KDM7A: variants seen among roughly 807,000 people sequenced by gnomAD.
KDM7A encodes the protein lysine demethylase 7A, also known as lysine-specific demethylase 7A.
In KDM7A, 28 loss-of-function variants were observed where a neutral mutation model predicts 114.8. The ratio of observed to expected loss-of-function variants is 0.24; its 90% CI spans 0.18 to 0.33. KDM7A has a LOEUF of 0.33. KDM7A is among the 10% of genes least tolerant of loss of function. The probability of loss-of-function intolerance (pLI) is 1.00; values close to 1 mark genes in which losing one functional copy is unlikely to be tolerated. For synonymous variants in KDM7A, 423 were observed against 397.8 expected (o/e 1.06, Z -0.75); for missense variants, 942 against 1,142.5 (o/e 0.82, Z 2.53).
At chr7:140,115,096 G>A (rs1035660441) in intron 9 of KDM7A, among the ~76,000 whole-genome samples, 18 of 150,376 alleles carry the variant, frequency 1.2e-4, no homozygotes, top group African/African-American at 3.7e-4. Flanking sequence ...GGCAGCCCCC[G>A]CCCGGCCAGC....
At chr7:140,168,525 A>G (rs143510317) in intron 1 of KDM7A, among the ~76,000 whole-genome samples, 37 of 151,660 alleles carry the variant, frequency 2.4e-4, no homozygotes, top group African/African-American at 8.5e-4. Flanking sequence ...CCAAGATCGC[A>G]CCACTGCACT....
At chr7:140,101,551 GT>G (rs996133869) in intron 12 of KDM7A, among the ~76,000 whole-genome samples, 1 of 151,690 alleles carries the variant, frequency 6.6e-6, no homozygotes, top group Non-Finnish European at 1.5e-5. Flanking sequence ...ATTGTTTTGG[GT>G]TTTTTTTAAA....
intron 1 of KDM7A, among the ~76,000 whole-genome samples, chr7:140,148,360 G>C (rs1477986228): frequency 1.3e-5 from 2 of 151,980 alleles, no homozygotes; most frequent in African/African-American, 4.8e-5. Flanking sequence ...TATGACTTCG[G>C]GTAACTTACT....
intron 6 of KDM7A, among the ~76,000 whole-genome samples, chr7:140,126,361 CAAG>C (rs888752021): frequency 2.0e-5 from 3 of 151,398 alleles, no homozygotes; most frequent in East Asian, 1.9e-4. Context: ...GAAAAAAAAT[CAAG>C]AAGAGACAAA....
At chr7:140,151,942 C>A (rs984588115) in intron 1 of KDM7A, among the ~76,000 whole-genome samples, 1 of 152,068 alleles carries the variant, frequency 6.6e-6, no homozygotes, top group African/African-American at 2.4e-5. Flanking sequence ...AAGATCATAC[C>A]TTGGGATAAA....
chr7:140,126,936 C>G, intron 5 of KDM7A, 113 bp from the exon 6 acceptor site: 1 of 768,738 alleles, frequency 1.3e-6, no homozygotes, highest in Non-Finnish European at 2.1e-6. Context: ...TTAAGGTTAA[C>G]AACAACACTT....
chr7:140,132,119 GA>G (rs1203057949), intron 3 of KDM7A, among the ~76,000 whole-genome samples: 3 of 152,152 alleles, frequency 2.0e-5, no homozygotes, highest in Admixed American at 6.5e-5. Flanking sequence ...TAGGGGAGGG[GA>G]AAGATAATTC....
intron 17 of KDM7A, among the ~76,000 whole-genome samples, chr7:140,095,372 G>A (rs529579163): frequency 2.6e-5 from 4 of 152,176 alleles, no homozygotes; most frequent in Admixed American, 6.5e-5. Context: ...CATTACCAAC[G>A]CAACTTTAGG....
At position 140,098,613 on chromosome 7, in the gene KDM7A, G is replaced by A. The variant is rs548744698; in HGVS notation, c.1918+266C>T. Among the ~76,000 whole-genome samples, 12 of 152,206 alleles carry A rather than the reference G, an allele frequency of 7.9e-5. No individual in the cohort carries two copies. In the South Asian group the frequency reaches 2.1e-3, roughly 26 times the overall value. ...CTATAACATGCATGAGCTTTCAAGT[G>A]ACTCTTTAAAAACTGACTAGATGAG... On this transcript the variant is annotated intron_variant, in intron 14 of 19. Transcript: ENST00000397560.
At chr7:140,092,279 GT>G (rs11292436) in intron 18 of KDM7A, 204,995 of 592,496 alleles carry the variant, frequency 0.35, 37,650 homozygotes, top group Middle Eastern at 0.43. Context: ...AAGTTGCATC[GT>G]TAAGTTAAGA....
At chr7:140,094,499 C>T (rs1408373311) in intron 17 of KDM7A, among the ~76,000 whole-genome samples, 1 of 150,838 alleles carries the variant, frequency 6.6e-6, no homozygotes, top group African/African-American at 2.4e-5. Flanking sequence ...AGTGAGACTC[C>T]ATCTTGGGGG....
intron 1 of KDM7A, among the ~76,000 whole-genome samples, chr7:140,143,804 T>A (rs1794311317): frequency 6.6e-6 from 1 of 152,170 alleles, no homozygotes; most frequent in Non-Finnish European, 1.5e-5. Flanking sequence ...TGAATCCACA[T>A]AACTAAATCA....
intron 1 of KDM7A, among the ~76,000 whole-genome samples, chr7:140,148,415 T>TCTC (rs35149339): frequency 0.42 from 62,876 of 151,434 alleles, 13,265 homozygotes; most frequent in Middle Eastern, 0.47. Context: ...TGTTTTTTGG[T>TCTC]CTCATCTGTA....
At chr7:140,116,308 G>A (rs1818529268) in intron 9 of KDM7A, among the ~76,000 whole-genome samples, 1 of 151,772 alleles carries the variant, frequency 6.6e-6, no homozygotes, top group Admixed American at 6.6e-5. Flanking sequence ...GAATACTCTA[G>A]CAATGAAAAA....
rs1817960676 is a variant in KDM7A at position 140,088,056 on chromosome 7, T to A, written c.*3038A>T. On this transcript the variant is annotated 3_prime_UTR_variant, in exon 20 of 20. Transcript: ENST00000397560. The stretch of plus-strand genomic sequence containing the variant: ...ATAAATAAATACAGTAGACTATAAT[T>A]GAAAAGGCAATAATTAGGATTATTT... 6.6e-6 allele frequency: 1 copy of A among 152,588 alleles called. No homozygotes were observed. Among genetic ancestry groups the A allele is most frequent in the Non-Finnish European group, 1.5e-5 (1 of 68,498 alleles). The allele number at this position is 152,588 out of a possible 1,614,324, so 9.5% of individuals were successfully genotyped here.
At chr7:140,136,630 G>A (rs963482339) in intron 2 of KDM7A, among the ~76,000 whole-genome samples, 7 of 152,210 alleles carry the variant, frequency 4.6e-5, no homozygotes, top group African/African-American at 1.4e-4. Flanking sequence ...TTCACCATAT[G>A]AAGTAGTTAT....
At chr7:140,166,496 T>G (rs975898133) in intron 1 of KDM7A, among the ~76,000 whole-genome samples, 1 of 151,858 alleles carries the variant, frequency 6.6e-6, no homozygotes, top group African/African-American at 2.4e-5. Flanking sequence ...CTCCCCACAA[T>G]GCCCAGCTAA....
intron 7 of KDM7A, among the ~76,000 whole-genome samples, chr7:140,122,318 C>A (rs1818628976): frequency 6.6e-6 from 1 of 151,014 alleles, no homozygotes; most frequent in Admixed American, 6.6e-5. Flanking sequence ...GACATTAAAT[C>A]AATTTAAAAA....
chr7:140,119,301 ACCAGGTCATGATATGT>A, intron 8 of KDM7A, 82 bp from the exon 9 acceptor site: 1 of 733,712 alleles, frequency 1.4e-6, no homozygotes, highest in Non-Finnish European at 2.3e-6. Context: ...AAATAAAATA[ACCAGGTCATGATATGT>A]AAGACCAATA....
Sources: gnomAD v4.1 joint callset for allele counts (sites outside exome capture counted in the v4.1 genomes callset) on GRCh38, gnomAD v4.1.1 for gene constraint, MANE v1.5 for transcripts, NCBI Gene and HGNC (gene_info 2026-07-23, HGNC 2026-07-21) for gene names.